The following HELZ2 variants were observed in gnomAD, a reference collection of about 807,000 sequenced individuals.
The protein encoded by HELZ2 is helicase with zinc finger 2.
Under a neutral mutation model 208.8 loss-of-function variants are expected in HELZ2, and 143 were observed. The ratio of observed to expected loss-of-function variants is 0.68; its 90% CI spans 0.60 to 0.79. The LOEUF is 0.79. HELZ2 is among the 30% of genes least tolerant of loss of function. The pLI is 0.00. For missense variants in HELZ2, 3,690 were observed against 3,794.5 expected (o/e 0.97, Z 0.72); for synonymous variants, 1,705 against 1,693.7 (o/e 1.01, Z -0.16).
intron 18 of HELZ2, among the ~76,000 whole-genome samples, chr20:63,559,660 G>A: frequency 1.1e-5 from 1 of 92,708 alleles, no homozygotes; most frequent in South Asian, 4.6e-4. Flanking sequence ...TCAGGTGGGA[G>A]GAGTCAGGGT....
chr20:63,562,920 G>A (rs2082905469), exon 8 of HELZ2: 1 of 1,594,618 alleles, frequency 6.3e-7, no homozygotes, highest in Admixed American at 1.8e-5. Context: ...ACACTCAGGT[G>A]CTGAAGTGTG....
At chr20:63,567,176 T>A in exon 6 of HELZ2, 1 of 1,608,960 alleles carries the variant, frequency 6.2e-7, no homozygotes, top group South Asian at 1.1e-5. Flanking sequence ...ACCTCGTGAG[T>A]CTCCTGCTGG....
exon 8 of HELZ2, chr20:63,563,546 G>T: frequency 6.6e-7 from 1 of 1,517,032 alleles, no homozygotes; most frequent in East Asian, 2.4e-5. Context: ...CCGGTTGCTG[G>T]GGAAGAGCAG....
Position 63,561,764 on chromosome 20 carries a change from C to T in HELZ2, c.6692-19G>A, listed in dbSNP as rs370362333. 1.9e-4 allele frequency: 303 copies of T among 1,576,396 alleles called. No homozygotes were observed. Among genetic ancestry groups the T allele is most frequent in the South Asian group, 6.9e-5 (6 of 87,184 alleles). Reference sequence around the variant, plus strand: ...AGCAGTCCTGAGGGTAGTTGGGGGACGTGAGTCCTGCCCCGCGTGCCAGCT... The same window carrying T: ...AGCAGTCCTGAGGGTAGTTGGGGGATGTGAGTCCTGCCCCGCGTGCCAGCT... On this transcript the variant is annotated intron_variant, in intron 11 of 18. Transcript: ENST00000467148.
At chr20:63,569,460 C>T (rs752095380) in exon 4 of HELZ2, 13 of 1,609,584 alleles carry the variant, frequency 8.1e-6, no homozygotes, top group East Asian at 2.2e-5. Flanking sequence ...CACCGGCCGG[C>T]GGCCAAAGTC....
rs757309215 is a variant in HELZ2 at position 63,565,452 on chromosome 20, C to T, written c.3370G>A (p.Ala1124Thr). 33 of 1,609,674 alleles carry T rather than the reference C, an allele frequency of 2.1e-5. No individual in the cohort carries two copies. Among genetic ancestry groups the T allele is most frequent in the South Asian group, 3.3e-5 (3 of 91,024 alleles). Residue 1124 changes from alanine to threonine, a missense_variant, in exon 8 of 19, where the codon GCG (alanine) becomes ACG (threonine). By Grantham distance (58) the Ala-to-Thr change is moderately conservative (BLOSUM62 0). This residue lies in a region of HELZ2 where 2,564 missense variants were observed against 2,580.5 expected (regional missense o/e 0.99). Coordinates refer to ENST00000467148, the Ensembl canonical transcript of HELZ2. ...CAGTGGCGGTACCGCTCGGGCTCCG[C>T]GTGCAGCAGCTTCCGTAGCGCAGCC... is the stretch of plus-strand genomic sequence containing the variant.
intron 6 of HELZ2, among the ~76,000 whole-genome samples, 153 bp downstream of exon 7, chr20:63,566,689 CAG>C (rs1294052560): frequency 1.3e-5 from 2 of 151,500 alleles, no homozygotes; most frequent in African/African-American, 4.9e-5. Flanking sequence ...CCAGACACCT[CAG>C]GGGCCGAGCC....
chr20:63,560,857 C>G (rs769385763), exon 15 of HELZ2: 1 of 1,613,326 alleles, frequency 6.2e-7, no homozygotes, highest in Non-Finnish European at 8.5e-7. Flanking sequence ...AGAGACCGGT[C>G]CAGACCCAGG....
Position 63,566,111 on chromosome 20 carries a change from C to CGGGT in HELZ2, c.2707_2710dup (p.Arg904HisfsTer32). On this transcript the variant is annotated frameshift_variant, in exon 8 of 19. Coordinates refer to ENST00000467148, the Ensembl canonical transcript of HELZ2. LOFTEE classifies it high-confidence loss of function. ...CACTACCACCAGCTGGGACTGGGCG[C>CGGGT]GGGTCAGGACGGTGTTGAGCACGCG... 3 of 1,582,186 alleles carry CGGGT rather than the reference C, an allele frequency of 1.9e-6. No individual in the cohort carries two copies. Among genetic ancestry groups the CGGGT allele is most frequent in the Non-Finnish European group, 2.6e-6 (3 of 1,170,932 alleles).
exon 5 of HELZ2, chr20:63,568,552 C>T: frequency 6.3e-7 from 1 of 1,585,424 alleles, no homozygotes; most frequent in Non-Finnish European, 8.5e-7. Context: ...TGCCACGCCG[C>T]AAGGGTGGGA....
At chr20:63,569,749 G>A in intron 3 of HELZ2, 84 bp from the exon 5 acceptor site, 2 of 1,373,454 alleles carry the variant, frequency 1.5e-6, no homozygotes, top group Admixed American at 5.6e-5. Context: ...TAGCCCAAGT[G>A]CAGGGTTCAG....
chr20:63,571,098 G>T, intron 1 of HELZ2: 1 of 498,448 alleles, frequency 2.0e-6, no homozygotes, highest in Non-Finnish European at 3.5e-6. Flanking sequence ...GCAGGTGGCA[G>T]GGAGGCCCCC....
chr20:63,559,486 G>A (rs1293959228), intron 18 of HELZ2, 116 bp from the exon 20 acceptor site: 18 of 515,328 alleles, frequency 3.5e-5, no homozygotes, highest in Admixed American at 9.1e-5. Context: ...GAGGAGTCAG[G>A]GTCAGGTGGG....
At position 63,560,709 on chromosome 20, in the gene HELZ2, G is replaced by A. The variant is rs2082876419; in HGVS notation, c.7282-12C>T. 5 of 1,607,132 alleles carry A rather than the reference G, an allele frequency of 3.1e-6. No homozygotes were observed. The South Asian group carries it at 4.4e-5, about 14-fold the overall frequency. Reference sequence around the variant, plus strand: ...CAGATGCCCTCATGCTGCAGGCAAGGATGTGCGCTGGTCAGAGGCTGCCAC... The same window carrying A: ...CAGATGCCCTCATGCTGCAGGCAAGAATGTGCGCTGGTCAGAGGCTGCCAC... On this transcript the variant is annotated splice_polypyrimidine_tract_variant and intron_variant, in intron 15 of 18. Transcript: ENST00000467148.
exon 13 of HELZ2, chr20:63,561,380 C>T: frequency 1.2e-6 from 2 of 1,613,074 alleles, no homozygotes; most frequent in Non-Finnish European, 1.7e-6. Context: ...GAAGAGCTCC[C>T]CTCTCTGCAG....
chr20:63,572,125 C>T (rs773523620), exon 1 of HELZ2: 2 of 1,610,834 alleles, frequency 1.2e-6, no homozygotes, highest in East Asian at 4.5e-5. Context: ...AGAGCTCGAA[C>T]TTGGAGAGTC....
chr20:63,564,627 G>C (rs1442113001), exon 8 of HELZ2: 1 of 1,568,946 alleles, frequency 6.4e-7, no homozygotes. Context: ...TCCCTGCCGG[G>C]GGCATAGAAC....
chr20:63,561,245 T>C, exon 14 of HELZ2: 1 of 1,612,736 alleles, frequency 6.2e-7, no homozygotes, highest in Non-Finnish European at 8.5e-7. Context: ...CAGCTCGAAC[T>C]TCCGAGCCTC....
chr20:63,568,924 C>G (rs779596287), exon 5 of HELZ2: 29 of 1,609,156 alleles, frequency 1.8e-5, no homozygotes, highest in Admixed American at 1.5e-4. Context: ...ACAGTGCTCC[C>G]GGAGGCGCGA....
Sources: allele counts gnomAD v4.1 joint callset (sites outside exome capture counted in the v4.1 genomes callset), GRCh38; gene constraint gnomAD v4.1.1; regional missense constraint gnomAD v4.1.1; transcripts MANE v1.5; gene names NCBI Gene and HGNC (gene_info 2026-07-23, HGNC 2026-07-21).